FSTL4: variants seen among roughly 807,000 people sequenced by gnomAD.
FSTL4 encodes the protein follistatin-related protein 4.
FSTL4 carries 28 observed loss-of-function variants against 78.2 expected under a neutral mutation model. That is an observed-to-expected ratio of 0.36 (90% CI 0.27 to 0.49). The LOEUF is 0.49. Ranked by LOEUF, FSTL4 falls within the 20% of genes least tolerant of loss-of-function variation. FSTL4 has a pLI of 0.98. For synonymous variants in FSTL4, 422 were observed against 440.5 expected, an observed-to-expected ratio of 0.96 and a Z score of 0.53; for missense variants, 922 against 1,084.9, an observed-to-expected ratio of 0.85 and a Z score of 2.11.
chr5:133,387,799 G>A (rs1755736420), intron 4 of FSTL4: 1 of 150,316 alleles, frequency 6.7e-6, no homozygotes, highest in Non-Finnish European at 1.5e-5. Context: ...GCTTTCTGGG[G>A]AGCACACTCT....
chr5:133,499,004 C>CAA (rs1758430877), intron 3 of FSTL4, among the ~76,000 whole-genome samples: 1 of 151,612 alleles, frequency 6.6e-6, no homozygotes, highest in African/African-American at 2.4e-5. Flanking sequence ...AAATTACACA[C>CAA]ACACACACAC....
At chr5:133,432,095 T>G (rs901490498) in intron 3 of FSTL4, among the ~76,000 whole-genome samples, 6 of 152,158 alleles carry the variant, frequency 3.9e-5, no homozygotes, top group Non-Finnish European at 7.3e-5. Flanking sequence ...CAATCACATC[T>G]GTTCTGTCAT....
intron 11 of FSTL4, among the ~76,000 whole-genome samples, chr5:133,221,913 T>TTTTTGTTTG (rs1554097226): frequency 3.1e-4 from 30 of 97,840 alleles, no homozygotes; most frequent in African/African-American, 1.2e-3. Flanking sequence ...TTTTTTTTTT[T>TTTTTGTTTG]TTTTTTTTTT....
chr5:133,369,053 G>GA (rs1191280154), intron 4 of FSTL4, among the ~76,000 whole-genome samples: 1 of 152,152 alleles, frequency 6.6e-6, no homozygotes, highest in African/African-American at 2.4e-5. Flanking sequence ...CCCAATAGAC[G>GA]AAGAAGCCTC....
In FSTL4 at chr5:133,401,183, C is replaced by T. The variant is rs945940108; in HGVS notation, c.161-197G>A. On this transcript the variant is annotated intron_variant, in intron 3 of 15. Coordinates refer to ENST00000265342, the MANE Select transcript of FSTL4 (RefSeq NM_015082.2). The stretch of plus-strand genomic sequence containing the variant: ...TGGTCATTGGTGCCAAGAAGGGTGT[C>T]CTGCCTTGCAGAGCTCAGGTTTCAT... Among the ~76,000 whole-genome samples the T allele has an allele frequency of 8.5e-5, 13 of 152,198 alleles. No individual in the cohort carries two copies. In the South Asian group the frequency reaches 1.7e-3, roughly 19 times the overall value.
intron 7 of FSTL4, among the ~76,000 whole-genome samples, chr5:133,238,173 TA>T (rs1751717112): frequency 6.6e-6 from 1 of 152,180 alleles, no homozygotes; most frequent in Admixed American, 6.6e-5. Context: ...ATTTAGAGAC[TA>T]AATGTTCAAC....
At chr5:133,707,195 G>T in the FSTL4 span, among the ~76,000 whole-genome samples, 1 of 152,152 alleles carries the variant, frequency 6.6e-6, no homozygotes, top group Non-Finnish European at 1.5e-5. Flanking sequence ...CCTGTGGCAG[G>T]ATTTGTTTAT....
chr5:133,525,344 A>G (rs890282834), intron 3 of FSTL4, among the ~76,000 whole-genome samples: 1 of 152,154 alleles, frequency 6.6e-6, no homozygotes, highest in African/African-American at 2.4e-5. Flanking sequence ...TCTACCTCAC[A>G]AGGATACACA....
the FSTL4 span, among the ~76,000 whole-genome samples, chr5:133,731,656 G>A: frequency 5.3e-5 from 8 of 152,106 alleles, no homozygotes; most frequent in African/African-American, 1.9e-4. Flanking sequence ...CTTATACTAT[G>A]CCCTTGAAAG....
chr5:133,372,853 A>G (rs1755345015), intron 4 of FSTL4, among the ~76,000 whole-genome samples: 1 of 152,206 alleles, frequency 6.6e-6, no homozygotes, highest in African/African-American at 2.4e-5. Context: ...AATTGTGCCC[A>G]GAGGGAGGGT....
At chr5:133,239,643 A>G (rs532399577) in intron 7 of FSTL4, among the ~76,000 whole-genome samples, 1 of 151,776 alleles carries the variant, frequency 6.6e-6, no homozygotes, top group Non-Finnish European at 1.5e-5. Context: ...AAATACACCA[A>G]TCAGCACTCT....
At chr5:133,249,981 G>A (rs920188638) in intron 6 of FSTL4, among the ~76,000 whole-genome samples, 1 of 152,226 alleles carries the variant, frequency 6.6e-6, no homozygotes, top group Non-Finnish European at 1.5e-5. Context: ...GTGCAGACAA[G>A]GTCTGCTGAG....
At chr5:133,378,777 A>G (rs974426518) in intron 4 of FSTL4, among the ~76,000 whole-genome samples, 2 of 152,150 alleles carry the variant, frequency 1.3e-5, no homozygotes, top group Non-Finnish European at 2.9e-5. Context: ...AAAATGTAGG[A>G]AAAGTATCAT....
intron 3 of FSTL4, among the ~76,000 whole-genome samples, chr5:133,473,151 C>G (rs1757858846): frequency 6.6e-6 from 1 of 152,164 alleles, no homozygotes; most frequent in Non-Finnish European, 1.5e-5. Context: ...GATAACCTTG[C>G]CTGTCCAATG....
At chr5:133,500,370 G>A (rs973824753) in intron 3 of FSTL4, among the ~76,000 whole-genome samples, 5 of 152,144 alleles carry the variant, frequency 3.3e-5, no homozygotes, top group Non-Finnish European at 5.9e-5. Flanking sequence ...CTGTCACCCT[G>A]CCTGACTCTG....
chr5:133,813,518 A>C, the FSTL4 span, among the ~76,000 whole-genome samples: 8 of 152,186 alleles, frequency 5.3e-5, no homozygotes, highest in Non-Finnish European at 1.2e-4. Context: ...ACCAAGCTTC[A>C]CACATGTAGA....
rs564763693 is a variant in FSTL4, at chr5:133,278,939, T to C, written c.728-29363A>G. ...AGGGTAGTAACAGCCTTCCTGGGCC[T>C]GAGTAGCTGAAGATGTAGCTGCACA... On this transcript the variant is annotated intron_variant, in intron 6 of 15. Coordinates refer to ENST00000265342, the MANE Select transcript of FSTL4 (RefSeq NM_015082.2). Among the ~76,000 whole-genome samples, 13 of 152,320 alleles carry C rather than the reference T, an allele frequency of 8.5e-5. No homozygotes were observed. In the South Asian group the frequency reaches 2.7e-3, roughly 32 times the overall value.
chr5:133,273,284 A>T (rs1561652231), intron 6 of FSTL4, among the ~76,000 whole-genome samples: 1 of 152,244 alleles, frequency 6.6e-6, no homozygotes, highest in Non-Finnish European at 1.5e-5. Context: ...TTAGTTAATG[A>T]GATATTTACC....
intron 3 of FSTL4, among the ~76,000 whole-genome samples, chr5:133,417,155 T>C (rs901845085): frequency 6.6e-6 from 1 of 152,206 alleles, no homozygotes; most frequent in Non-Finnish European, 1.5e-5. Context: ...AAGGAATATA[T>C]GTCTAAGTCA....
Sources: allele counts gnomAD v4.1 joint callset (sites outside exome capture counted in the v4.1 genomes callset), GRCh38; gene constraint gnomAD v4.1.1; transcripts MANE v1.5; gene names NCBI Gene and HGNC (gene_info 2026-07-23, HGNC 2026-07-21).